The following KIAA1217 variants were observed in gnomAD, a reference collection of about 807,000 sequenced individuals.
KIAA1217 encodes the protein sickle tail protein homolog.
Under a neutral mutation model 163.9 loss-of-function variants are expected in KIAA1217, and 88 were observed. The ratio of observed to expected loss-of-function variants is 0.54; its 90% CI spans 0.45 to 0.64. The LOEUF (loss-of-function observed/expected upper bound fraction) is 0.64. KIAA1217 is among the 30% of genes least tolerant of loss of function. KIAA1217 has a pLI of 0.00. For synonymous variants in KIAA1217, 903 were observed against 923.1 expected (o/e 0.98, Z 0.39); for missense variants, 2,372 against 2,475.0 (o/e 0.96, Z 0.88).
At chr10:24,495,032 A>T in intron 7 of KIAA1217, 115 bp from the exon 8 acceptor site, 1 of 829,542 alleles carries the variant, frequency 1.2e-6, no homozygotes, top group Non-Finnish European at 1.9e-6. Context: ...AAATACCTTC[A>T]TTGCTTAATC....
intron 2 of KIAA1217, among the ~76,000 whole-genome samples, chr10:24,230,189 G>A (rs1018943543): frequency 6.6e-6 from 1 of 152,086 alleles, no homozygotes; most frequent in Non-Finnish European, 1.5e-5. Context: ...TTGCTGTGCT[G>A]TTTCTCTTTA....
At position 24,473,728 on chromosome 10, in the gene KIAA1217, A is replaced by T; in HGVS notation, c.1347A>T (p.Ser449=). The T allele has an allele frequency of 6.2e-7, 1 of 1,614,010 alleles. No homozygotes were observed. Among genetic ancestry groups the T allele is most frequent in the East Asian group, 2.2e-5 (1 of 44,842 alleles). ...AAGCGGAAATGCATATGGAACAATC[A>T]CTGTACAGACAGAAATCAAGGAAAT... The part of the protein sequence containing the change: ...SMQAEMHMEQ[S]LYRQKSRKYP... The change falls in exon 6 of 21, where the codon TCA becomes TCT. Residue 449 remains serine (S), a synonymous_variant. Transcript: ENST00000376454.
At chr10:24,477,020 GTC>G (rs995100296) in intron 6 of KIAA1217, among the ~76,000 whole-genome samples, 18 of 152,304 alleles carry the variant, frequency 1.2e-4, no homozygotes, top group African/African-American at 4.3e-4. Context: ...AAGAACTTGA[GTC>G]TGGAACTTTT....
chr10:23,818,330 T>C (rs1184544527), intron 1 of KIAA1217, among the ~76,000 whole-genome samples: 2 of 87,692 alleles, frequency 2.3e-5, no homozygotes, highest in East Asian at 5.0e-4. Flanking sequence ...TATATATATA[T>C]TTTATATATA....
chr10:24,485,583 G>A (rs1176000444), intron 6 of KIAA1217, among the ~76,000 whole-genome samples: 1 of 152,154 alleles, frequency 6.6e-6, no homozygotes. Flanking sequence ...AGTTCCATGA[G>A]GGCAAGCCCT....
chr10:24,211,620 T>C (rs374613157), intron 1 of KIAA1217, among the ~76,000 whole-genome samples: 3 of 151,190 alleles, frequency 2.0e-5, no homozygotes, highest in African/African-American at 7.3e-5. Flanking sequence ...GAAGGGGTCT[T>C]GCTATGTTGC....
chr10:24,277,395 G>A (rs185859262), intron 2 of KIAA1217, among the ~76,000 whole-genome samples: 27 of 152,334 alleles, frequency 1.8e-4, no homozygotes, highest in African/African-American at 6.5e-4. Flanking sequence ...TCGTGAGTGG[G>A]ATGGGGGACA....
chr10:23,773,052 C>T (rs1042363602), intron 1 of KIAA1217, among the ~76,000 whole-genome samples: 2 of 151,924 alleles, frequency 1.3e-5, no homozygotes, highest in African/African-American at 4.8e-5. Flanking sequence ...TTTTGGAACC[C>T]CTGATGGATT....
chr10:24,445,951 G>A (rs537813220), intron 5 of KIAA1217, among the ~76,000 whole-genome samples: 10 of 152,166 alleles, frequency 6.6e-5, no homozygotes, highest in East Asian at 1.9e-4. Context: ...CTGAGGAATC[G>A]CCACACCAAC....
rs557976732 is a variant in KIAA1217, at chr10:24,059,548, T to C, written c.-171+52174T>C. On this transcript the variant is annotated intron_variant, in intron 2 of 18. Transcript: ENST00000376462. ...TTTTTGATTACTAATTCAATTTCCT[T>C]ACTAGTTATGTCTATGCCAGTTTTT... Among the ~76,000 whole-genome samples, 7 of 152,240 alleles carry C rather than the reference T, an allele frequency of 4.6e-5. No homozygotes were observed. The East Asian group carries it at 5.8e-4, about 13-fold the overall frequency.
chr10:24,435,007 G>C (rs2059912537), intron 4 of KIAA1217, among the ~76,000 whole-genome samples: 1 of 152,132 alleles, frequency 6.6e-6, no homozygotes, highest in Admixed American at 6.5e-5. Context: ...CCACACCCTG[G>C]GGGGAATAGC....
intron 6 of KIAA1217, 138 bp downstream of exon 6, chr10:24,474,198 A>G (rs936083887): frequency 1.5e-6 from 1 of 668,724 alleles, no homozygotes; most frequent in East Asian, 2.7e-5. Context: ...TGCAGGAGTC[A>G]CAGAGTGGTG....
intron 2 of KIAA1217, among the ~76,000 whole-genome samples, chr10:24,314,949 A>AT (rs1355783220): frequency 6.6e-6 from 1 of 151,882 alleles, no homozygotes; most frequent in Non-Finnish European, 1.5e-5. Flanking sequence ...CTCGAAAAAA[A>AT]AATAATAATA....
intron 2 of KIAA1217, among the ~76,000 whole-genome samples, chr10:24,364,906 C>T (rs1406788879): frequency 2.6e-5 from 4 of 151,988 alleles, no homozygotes; most frequent in Non-Finnish European, 5.9e-5. Context: ...TCAAGCAGTC[C>T]TCCCCCCTCA....
At chr10:23,845,569 CT>C (rs1444069481) in intron 1 of KIAA1217, among the ~76,000 whole-genome samples, 1 of 152,080 alleles carries the variant, frequency 6.6e-6, no homozygotes, top group Non-Finnish European at 1.5e-5. Context: ...CCTTTGCCAA[CT>C]TTTTGATGGT....
At chr10:24,108,826 C>CTTTGT (rs1004375976) in intron 2 of KIAA1217, among the ~76,000 whole-genome samples, 9 of 152,120 alleles carry the variant, frequency 5.9e-5, no homozygotes, top group Non-Finnish European at 7.4e-5. Flanking sequence ...GTTCTCAAAA[C>CTTTGT]TTTGTTTTGT....
At chr10:24,523,492 A>T (rs1264329393) in intron 12 of KIAA1217, among the ~76,000 whole-genome samples, 1 of 151,668 alleles carries the variant, frequency 6.6e-6, no homozygotes, top group African/African-American at 2.4e-5. Context: ...TTTTTCAAAT[A>T]AAAAAAAGTA....
intron 2 of KIAA1217, among the ~76,000 whole-genome samples, chr10:24,326,589 A>T (rs2044934584): frequency 6.6e-6 from 1 of 152,200 alleles, no homozygotes. Flanking sequence ...AATAGATGTG[A>T]ATACTGCTGT....
At chr10:23,895,196 G>C (rs1324085093) in intron 1 of KIAA1217, among the ~76,000 whole-genome samples, 2 of 152,042 alleles carry the variant, frequency 1.3e-5, no homozygotes, top group Admixed American at 1.3e-4. Context: ...CCATCAGAGT[G>C]AACAGGCAAC....
Sources: gnomAD v4.1 joint callset for allele counts (sites outside exome capture counted in the v4.1 genomes callset) on GRCh38, gnomAD v4.1.1 for gene constraint, MANE v1.5 for transcripts, NCBI Gene and HGNC (gene_info 2026-07-23, HGNC 2026-07-21) for gene names.